The following POM121C variants were observed in gnomAD, a reference collection of about 807,000 sequenced individuals.
POM121C encodes the protein POM121 transmembrane nucleoporin C.
Under a neutral mutation model 66.4 loss-of-function variants are expected in POM121C, and 20 were observed. The observed-to-expected ratio is 0.30, with a 90% CI of 0.21 to 0.44. The LOEUF is 0.44. POM121C is among the 20% of genes least tolerant of loss of function. The probability of loss-of-function intolerance (pLI) is 1.00; values close to 1 mark genes in which losing one functional copy is unlikely to be tolerated. For synonymous variants in POM121C, 286 were observed against 528.0 expected, an observed-to-expected ratio of 0.54 and a Z score of 6.28; for missense variants, 580 against 1,225.7, an observed-to-expected ratio of 0.47 and a Z score of 7.87.
chr7:75,448,808 A>G (rs1244379996), intron 3 of POM121C, among the ~76,000 whole-genome samples: 2 of 151,694 alleles, frequency 1.3e-5, no homozygotes, highest in Non-Finnish European at 2.9e-5. Context: ...CTCAAAAAAA[A>G]AAAACCAAAT....
At position 75,421,426 on chromosome 7, in the gene POM121C, C is replaced by T. The variant is rs1177750564; in HGVS notation, c.2743+83G>A. On this transcript the variant is annotated intron_variant, in intron 13 of 14. Coordinates refer to ENST00000615331, the MANE Select transcript of POM121C (RefSeq NM_001099415.3). ...AGTGCCTGTCTCTTCACTGCCACAG[C>T]ATAAGCTCCCCGAGACCACAGGCTT... The T allele has an allele frequency of 3.2e-5, 51 of 1,591,646 alleles. 1 individual carries two copies. The Admixed American group carries it at 7.2e-4, about 22-fold the overall frequency.
Position 75,474,687 on chromosome 7 carries a change from A to G in POM121C, c.-152+17T>C, listed in dbSNP as rs189571691. The G allele has an allele frequency of 8.8e-6, 12 of 1,371,324 alleles. No individual in the cohort carries two copies. Among genetic ancestry groups the G allele is most frequent in the Middle Eastern group, 1.8e-4 (1 of 5,414 alleles). The allele number at this position is 1,371,324 out of a possible 1,614,324, so 84.9% of individuals were successfully genotyped here. On this transcript the variant is annotated intron_variant, in intron 3 of 14. Transcript: ENST00000615331. ...TGGGATGAGCATTTTTTAACATTTG[A>G]TACTCTACTAACTTACCAGGACTAT... is the stretch of plus-strand genomic sequence containing the variant.
At chr7:75,454,762 G>T (rs1791146236) in intron 3 of POM121C, among the ~76,000 whole-genome samples, 1 of 152,276 alleles carries the variant, frequency 6.6e-6, no homozygotes, top group African/African-American at 2.4e-5. Context: ...GATGCCGGAG[G>T]CAGCTATGGA....
chr7:75,465,515 GA>G (rs1271375843), intron 3 of POM121C, among the ~76,000 whole-genome samples: 1 of 151,808 alleles, frequency 6.6e-6, no homozygotes, highest in Non-Finnish European at 1.5e-5. Context: ...AGCACTTTGG[GA>G]GGCTGAGGCG....
At chr7:75,437,033 C>A (rs370433640) in intron 7 of POM121C, among the ~76,000 whole-genome samples, 2 of 152,208 alleles carry the variant, frequency 1.3e-5, no homozygotes, top group African/African-American at 4.8e-5. Context: ...AAAAACCCTG[C>A]GCTCAATTCT....
chr7:75,433,613 T>A (rs1223166070), intron 7 of POM121C, among the ~76,000 whole-genome samples: 2 of 152,118 alleles, frequency 1.3e-5, no homozygotes, highest in African/African-American at 4.8e-5. Context: ...CCCACCTCAG[T>A]CTCCCAAAGT....
At chr7:75,471,607 A>G (rs1315331214) in intron 3 of POM121C, among the ~76,000 whole-genome samples, 1 of 152,120 alleles carries the variant, frequency 6.6e-6, no homozygotes, top group African/African-American at 2.4e-5. Flanking sequence ...AGCAGAAACC[A>G]GGGCAGAAGC....
chr7:75,477,279 A>G (rs1792126088), intron 1 of POM121C, among the ~76,000 whole-genome samples: 1 of 152,198 alleles, frequency 6.6e-6, no homozygotes, highest in African/African-American at 2.4e-5. Context: ...TTAGAGGAAT[A>G]TAACTAAGAA....
intron 3 of POM121C, chr7:75,442,417 T>G (rs587753761): frequency 0.054 from 77,068 of 1,432,346 alleles, 657 homozygotes; most frequent in Non-Finnish European, 0.06. Context: ...TTCCGTTGGC[T>G]GTCGACTTGG....
chr7:75,478,934 C>T (rs1249184483), intron 1 of POM121C, among the ~76,000 whole-genome samples: 1 of 142,986 alleles, frequency 7.0e-6, no homozygotes, highest in East Asian at 2.1e-4. Flanking sequence ...AAAATGATAC[C>T]ATGACATATT....
intron 3 of POM121C, among the ~76,000 whole-genome samples, chr7:75,463,763 G>A (rs1791529181): frequency 6.6e-6 from 1 of 152,048 alleles, no homozygotes; most frequent in African/African-American, 2.4e-5. Context: ...TGCGATCTCG[G>A]CTCACTGCAA....
intron 3 of POM121C, 106 bp from the exon 4 acceptor site, chr7:75,441,753 C>T: frequency 8.9e-7 from 1 of 1,118,378 alleles, no homozygotes; most frequent in Non-Finnish European, 1.3e-6. Flanking sequence ...GAACTTAAAT[C>T]TCTTTCTACG....
At chr7:75,419,058 C>G (rs1563135105) in intron 14 of POM121C, among the ~76,000 whole-genome samples, 165 bp from the exon 15 acceptor site, 1 of 152,122 alleles carries the variant, frequency 6.6e-6, no homozygotes, top group Non-Finnish European at 1.5e-5. Flanking sequence ...TCCTGAAATG[C>G]AAACTCCCAG....
chr7:75,450,475 A>C (rs1790985597), intron 3 of POM121C, among the ~76,000 whole-genome samples: 1 of 152,300 alleles, frequency 6.6e-6, no homozygotes, highest in South Asian at 2.1e-4. Flanking sequence ...ACAAAGACCT[A>C]AGTTTTCACC....
intron 3 of POM121C, among the ~76,000 whole-genome samples, chr7:75,467,179 T>C (rs587684427): frequency 6.6e-6 from 1 of 152,352 alleles, no homozygotes; most frequent in East Asian, 1.9e-4. Context: ...TATTACCACC[T>C]TCACTCATAT....
intron 3 of POM121C, among the ~76,000 whole-genome samples, chr7:75,471,675 G>A (rs1791884294): frequency 6.6e-6 from 1 of 152,092 alleles, no homozygotes; most frequent in Non-Finnish European, 1.5e-5. Context: ...GGGACCCAAG[G>A]GAGTGGGAGC....
At chr7:75,424,448 T>G in intron 11 of POM121C, 78 bp downstream of exon 11, 2 of 1,560,234 alleles carry the variant, frequency 1.3e-6, no homozygotes, top group South Asian at 2.3e-5. Flanking sequence ...AGAAACCCAT[T>G]TTTCCAAACA....
chr7:75,480,979 T>G (rs1172586692), intron 1 of POM121C, among the ~76,000 whole-genome samples: 3 of 150,258 alleles, frequency 2.0e-5, no homozygotes, highest in Admixed American at 6.6e-5. Flanking sequence ...TCTAAAACTT[T>G]ATAGGGTAAA....
Position 75,479,105 on chromosome 7 carries a change from C to A in POM121C, c.-457-3917G>T, listed in dbSNP as rs1792205770. Among the ~76,000 whole-genome samples, 12 of 152,026 alleles carry A rather than the reference C, an allele frequency of 7.9e-5. No individual in the cohort carries two copies. The South Asian group carries it at 2.3e-3, about 29-fold the overall frequency. ...ACAACAGAGAAACATATTTAAAGCA[C>A]TGTGGAGAAAAATCCAGCAAAAACA... On this transcript the variant is annotated intron_variant, in intron 1 of 14. Coordinates refer to ENST00000615331, the MANE Select transcript of POM121C (RefSeq NM_001099415.3).
Sources: gnomAD v4.1 joint callset for allele counts (sites outside exome capture counted in the v4.1 genomes callset) on GRCh38, gnomAD v4.1.1 for gene constraint, MANE v1.5 for transcripts, NCBI Gene and HGNC (gene_info 2026-07-23, HGNC 2026-07-21) for gene names.